ZNF431: variants seen among roughly 807,000 people sequenced by gnomAD.
The protein encoded by ZNF431 is zinc finger protein 431.
Under a neutral mutation model 57.0 loss-of-function variants are expected in ZNF431, and 34 were observed. That is an observed-to-expected ratio of 0.60 (90% confidence interval 0.45 to 0.79). The LOEUF is 0.79. Ranked by LOEUF, ZNF431 falls within the 30% of genes least tolerant of loss-of-function variation. The pLI is 0.00. For synonymous variants in ZNF431, 207 were observed against 220.3 expected (o/e 0.94, Z 0.54); for missense variants, 607 against 667.1 (o/e 0.91, Z 0.99).
chr19:21,156,178 A>G (rs1195525962), intron 2 of ZNF431, among the ~76,000 whole-genome samples: 1 of 152,176 alleles, frequency 6.6e-6, no homozygotes, highest in Non-Finnish European at 1.5e-5. Context: ...ATATCCCCAC[A>G]TGCAGACGCT....
At chr19:21,153,411 C>T (rs1450492567) in intron 2 of ZNF431, among the ~76,000 whole-genome samples, 2 of 152,162 alleles carry the variant, frequency 1.3e-5, no homozygotes, top group African/African-American at 4.8e-5. Context: ...GAGTCTGTGT[C>T]TGGCTATGTG....
intron 2 of ZNF431, among the ~76,000 whole-genome samples, chr19:21,146,408 T>G (rs1004136555): frequency 5.1e-5 from 1 of 19,630 alleles, no homozygotes; most frequent in African/African-American, 1.9e-4. Context: ...ACACTCTGTC[T>G]GAAAAAAAAA....
At position 21,188,777 on chromosome 19, in the gene ZNF431, T is replaced by C. The variant is rs1275266596; in HGVS notation, c.*4743T>C. On this transcript the variant is annotated 3_prime_UTR_variant, in exon 5 of 5. Transcript: ENST00000311048. ...CTGTTACTTTGCATGCAAACTAGTT[T>C]ACTGTGTTCACAGAGTGGCCAGTCA... 1.3e-5 allele frequency: 2 copies of C among 152,184 alleles called. No individual in the cohort carries two copies. The highest frequency in any genetic ancestry group is 2.9e-5 in the Non-Finnish European group (2 of 68,022). 9.4% of individuals were successfully genotyped at this position (152,184 alleles called of 1,614,324 possible).
intron 4 of ZNF431, among the ~76,000 whole-genome samples, chr19:21,178,604 C>A (rs900027669): frequency 1.3e-5 from 2 of 151,996 alleles, no homozygotes; most frequent in Non-Finnish European, 2.9e-5. Flanking sequence ...TGAATTACAT[C>A]GATTTTTGTA....
chr19:21,180,166 A>G (rs1247931503), intron 4 of ZNF431, among the ~76,000 whole-genome samples: 4 of 152,172 alleles, frequency 2.6e-5, no homozygotes, highest in Admixed American at 2.0e-4. Context: ...TGAGGTATTC[A>G]GCCTATTACA....
chr19:21,163,271 G>A lies in ZNF431; in HGVS notation c.97-3064G>A, dbSNP rs531570008. Among the ~76,000 whole-genome samples, 77 of 152,326 alleles carry A rather than the reference G, an allele frequency of 5.1e-4. 2 individuals carry two copies. The highest frequency in any genetic ancestry group is 1.8e-3 in the African/African-American group (76 of 41,570). ...TTCTGTTTCCTCTGTAAACTTTAAAGAGCCAGCAAAGAATACGAAACGTTT... is the reference window on the plus strand; with the variant it reads ...TTCTGTTTCCTCTGTAAACTTTAAAAAGCCAGCAAAGAATACGAAACGTTT... On this transcript the variant is annotated intron_variant, in intron 2 of 4. Transcript: ENST00000311048.
At chr19:21,143,464 G>A in intron 1 of ZNF431, 87 bp from the exon 2 acceptor site, 1 of 1,065,562 alleles carries the variant, frequency 9.4e-7, no homozygotes, top group Non-Finnish European at 1.5e-6. Context: ...TTTCAGTGCT[G>A]TCTGGGGATG....
At position 21,167,571 on chromosome 19, in the gene ZNF431, G is replaced by T. The variant is rs751106970; in HGVS notation, c.224G>T (p.Gly75Val). 6 of 1,559,960 alleles carry T rather than the reference G, an allele frequency of 3.8e-6. No homozygotes were observed. Among genetic ancestry groups the T allele is most frequent in the Non-Finnish European group, 5.2e-6 (6 of 1,154,730 alleles). The change falls in exon 4 of 5, where the codon GGT becomes GTT. Residue 75 changes from glycine (G) to valine (V), a missense_variant and splice_region_variant. Gly to Val is a moderately radical substitution (Grantham distance 109). Transcript: ENST00000311048. ...LENYKNLVFL[G>V]VAVSKQDPVT... ...ATGTTATTTATTTTTAATAAAGCAGGTGTTGCTGTCTCTAAGCAAGACCCA... is the reference window on the plus strand; with the variant it reads ...ATGTTATTTATTTTTAATAAAGCAGTTGTTGCTGTCTCTAAGCAAGACCCA...
intron 2 of ZNF431, among the ~76,000 whole-genome samples, chr19:21,159,041 A>G (rs1204937984): frequency 6.6e-6 from 1 of 152,212 alleles, no homozygotes. Flanking sequence ...GTTAAATTAT[A>G]TTGAAAGTGT....
chr19:21,157,371 T>C (rs904633211), intron 2 of ZNF431, among the ~76,000 whole-genome samples: 4 of 152,252 alleles, frequency 2.6e-5, no homozygotes, highest in Non-Finnish European at 5.9e-5. Context: ...TTATTGACTT[T>C]CTAATTACAG....
chr19:21,151,796 T>C (rs1165849135), intron 2 of ZNF431, among the ~76,000 whole-genome samples: 2 of 152,282 alleles, frequency 1.3e-5, no homozygotes, highest in African/African-American at 4.8e-5. Context: ...AACAGATTTG[T>C]TACAGCTTAA....
intron 2 of ZNF431, among the ~76,000 whole-genome samples, chr19:21,146,133 A>C (rs1970087137): frequency 6.6e-6 from 1 of 152,202 alleles, no homozygotes; most frequent in African/African-American, 2.4e-5. Context: ...GATTTTGCTC[A>C]AGAAAAAATT....
rs1971598585 is a variant in ZNF431 at position 21,196,053 on chromosome 19, A to T, written c.*12019A>T. ...CAAAATATAAATCTATTTGATTTGA[A>T]TTTAATGGTGTGTGTGTGTGTGTGT... On this transcript the variant is annotated 3_prime_UTR_variant, in exon 5 of 5. Transcript: ENST00000311048. The T allele has an allele frequency of 8.6e-6, 1 of 116,930 alleles. No individual in the cohort carries two copies. The highest frequency in any genetic ancestry group is 1.8e-5 in the Non-Finnish European group (1 of 56,750). 7.2% of individuals were successfully genotyped at this position (116,930 alleles called of 1,614,324 possible).
chr19:21,186,312 A>G lies in ZNF431; in HGVS notation c.*2278A>G, dbSNP rs1157294982. 4 of 152,210 alleles carry G rather than the reference A, an allele frequency of 2.6e-5. No individual in the cohort carries two copies. Among genetic ancestry groups the G allele is most frequent in the East Asian group, 1.9e-4 (1 of 5,198 alleles). The allele number at this position is 152,210 out of a possible 1,614,324, so 9.4% of individuals were successfully genotyped here. A position where few individuals can be genotyped will look rare whatever the true frequency, so the allele number is the denominator to read the frequency against. ...AGTAAAATATATTTTCAAATTTTCT[A>G]TATATTTTTCTTTGAACATGTGGCC... On this transcript the variant is annotated 3_prime_UTR_variant, in exon 5 of 5. Transcript: ENST00000311048.
chr19:21,150,761 C>T (rs1970247878), intron 2 of ZNF431, among the ~76,000 whole-genome samples: 1 of 152,124 alleles, frequency 6.6e-6, no homozygotes, highest in Admixed American at 6.5e-5. Context: ...TGCCATTAGC[C>T]ATTCCAAAAG....
At chr19:21,157,725 G>A (rs987543328) in intron 2 of ZNF431, among the ~76,000 whole-genome samples, 2 of 151,754 alleles carry the variant, frequency 1.3e-5, no homozygotes, top group African/African-American at 2.4e-5. Flanking sequence ...TAGTAGAGAC[G>A]GGGTTTCACC....
intron 2 of ZNF431, chr19:21,150,538 TA>T (rs1970241935): frequency 5.7e-6 from 1 of 175,324 alleles, no homozygotes; most frequent in Non-Finnish European, 1.2e-5. Context: ...TTTTATGGCC[TA>T]AAAAGTAAAC....
Position 21,183,017 on chromosome 19 carries a change from C to T in ZNF431, c.714C>T (p.Gly238=), listed in dbSNP as rs746400603. The change falls in exon 5 of 5, where the codon GGC becomes GGT. Residue 238 remains glycine, a synonymous_variant. Transcript: ENST00000311048. ...RENSYQCEEC[G]KAFKWFSTLT... Reference sequence around the variant, plus strand: ...ATTCTTACCAATGTGAAGAATGTGGCAAAGCTTTTAAATGGTTCTCAACCC... The same window carrying T: ...ATTCTTACCAATGTGAAGAATGTGGTAAAGCTTTTAAATGGTTCTCAACCC... The T allele has an allele frequency of 4.3e-6, 7 of 1,613,966 alleles. No homozygotes were observed. The South Asian group carries it at 7.7e-5, about 18-fold the overall frequency.
At position 21,187,435 on chromosome 19, in the gene ZNF431, A is replaced by G. The variant is rs915380278; in HGVS notation, c.*3401A>G. Reference sequence around the variant, plus strand: ...GGGCGACAGAGCGAGACTCCATATAAAAAAAAAAAAAAAAAAAAAAGAGCT... The same window carrying G: ...GGGCGACAGAGCGAGACTCCATATAGAAAAAAAAAAAAAAAAAAAAGAGCT... On this transcript the variant is annotated 3_prime_UTR_variant, in exon 5 of 5. Transcript: ENST00000311048. 2 of 57,624 alleles carry G rather than the reference A, an allele frequency of 3.5e-5. No individual in the cohort carries two copies. The highest frequency in any genetic ancestry group is 1.0e-4 in the African/African-American group (2 of 19,490). The allele number at this position is 57,624 out of a possible 1,614,324, so 3.6% of individuals were successfully genotyped here. A position where few individuals can be genotyped will look rare whatever the true frequency, so the allele number is the denominator to read the frequency against.
Sources: gnomAD v4.1 joint callset for allele counts (sites outside exome capture counted in the v4.1 genomes callset) on GRCh38, gnomAD v4.1.1 for gene constraint, MANE v1.5 for transcripts, NCBI Gene and HGNC (gene_info 2026-07-23, HGNC 2026-07-21) for gene names.